Variants in DARS1 observed in about 807,000 individuals in gnomAD.
DARS1 encodes the protein aspartate--tRNA ligase, cytoplasmic.
A neutral mutation model predicts 68.8 loss-of-function variants in DARS1; 51 were observed. The observed-to-expected ratio is 0.74, with a 90% CI of 0.59 to 0.94. The LOEUF (loss-of-function observed/expected upper bound fraction) is 0.94, where lower values mean the gene tolerates loss of function less well. Ranked by LOEUF, DARS1 falls within the 40% of genes least tolerant of loss-of-function variation. The probability of loss-of-function intolerance (pLI) is 0.00; values close to 1 mark genes in which losing one functional copy is unlikely to be tolerated. For missense variants in DARS1, 607 were observed against 597.3 expected, an observed-to-expected ratio of 1.02 and a Z score of -0.17; for synonymous variants, 203 against 190.4, an observed-to-expected ratio of 1.07 and a Z score of -0.55.
intron 4 of DARS1, among the ~76,000 whole-genome samples, chr2:135,950,180 C>T (rs1681811373): frequency 6.6e-6 from 1 of 152,142 alleles, no homozygotes; most frequent in Non-Finnish European, 1.5e-5. Flanking sequence ...TATGAGTTCA[C>T]ATGCTTTAAT....
chr2:135,970,429 C>A (rs1682345172), intron 3 of DARS1, among the ~76,000 whole-genome samples: 1 of 151,840 alleles, frequency 6.6e-6, no homozygotes, highest in South Asian at 2.1e-4. Flanking sequence ...CAAAAAATTT[C>A]TTGAAACAAA....
At chr2:135,938,728 G>C (rs1466522430) in intron 5 of DARS1, among the ~76,000 whole-genome samples, 3 of 152,152 alleles carry the variant, frequency 2.0e-5, no homozygotes, top group Admixed American at 1.3e-4. Flanking sequence ...ATTGGATAAA[G>C]AGTCAAGACC....
At chr2:135,924,322 T>C (rs1575387101) in intron 8 of DARS1, 65 bp downstream of exon 8, 5 of 1,449,232 alleles carry the variant, frequency 3.5e-6, no homozygotes, top group African/African-American at 1.5e-5. Context: ...ATTTTATTAA[T>C]ATAAAGCAAC....
chr2:135,907,429 A>G, intron 15 of DARS1, 22 bp from the exon 16 acceptor site: 1 of 1,541,788 alleles, frequency 6.5e-7, no homozygotes, highest in Non-Finnish European at 8.9e-7. Flanking sequence ...AAAAATAATC[A>G]TTAATTCCTT....
chr2:135,915,418 T>C (rs951442154), intron 11 of DARS1, among the ~76,000 whole-genome samples: 6 of 152,148 alleles, frequency 3.9e-5, no homozygotes. Flanking sequence ...TCTGGAGTAG[T>C]TGGGACTACA....
At chr2:135,970,867 A>G (rs1354298445) in intron 3 of DARS1, among the ~76,000 whole-genome samples, 1 of 152,180 alleles carries the variant, frequency 6.6e-6, no homozygotes, top group African/African-American at 2.4e-5. Context: ...GGACATTTCT[A>G]GACACATACA....
rs2104810974 is a variant in DARS1 at position 135,933,937 on chromosome 2, A to C, written c.477T>G (p.Ala159=). Residue 159 remains alanine (A), a synonymous_variant, in exon 6 of 16, where the codon GCT becomes GCG. Transcript: ENST00000264161. ...CTTCTCCTTCTGCCTCAGGCCGAAC[A>C]GCATCATCCAGCTGCAGGGGCAGAC... ...EPRLPLQLDD[A]VRPEAEGEEE... is the part of the protein sequence containing the mutation. The C allele has an allele frequency of 6.2e-7, 1 of 1,613,770 alleles. No individual in the cohort carries two copies. Among genetic ancestry groups the C allele is most frequent in the Admixed American group, 1.7e-5 (1 of 60,024 alleles).
intron 15 of DARS1, among the ~76,000 whole-genome samples, chr2:135,910,342 C>G (rs1444530827): frequency 2.0e-5 from 3 of 152,084 alleles, no homozygotes; most frequent in Non-Finnish European, 4.4e-5. Context: ...TTATCCATTA[C>G]CTTTTTACTA....
At chr2:135,938,395 T>C (rs1287797528) in intron 5 of DARS1, among the ~76,000 whole-genome samples, 1 of 152,134 alleles carries the variant, frequency 6.6e-6, no homozygotes, top group East Asian at 1.9e-4. Context: ...TCATCTAATC[T>C]TTTTTTCAAG....
At chr2:135,918,902 A>C (rs1291932012) in intron 10 of DARS1, among the ~76,000 whole-genome samples, 1 of 152,246 alleles carries the variant, frequency 6.6e-6, no homozygotes, top group East Asian at 1.9e-4. Flanking sequence ...AAAATGTTTT[A>C]GAGAACAAAG....
intron 5 of DARS1, among the ~76,000 whole-genome samples, chr2:135,940,178 T>C (rs1057494731): frequency 3.3e-5 from 5 of 152,284 alleles, no homozygotes; most frequent in African/African-American, 1.2e-4. Flanking sequence ...ATCATCCTGA[T>C]ACCAAAGCCT....
chr2:135,918,784 AGCTGTGTGT>A, intron 10 of DARS1, among the ~76,000 whole-genome samples: 1 of 152,344 alleles, frequency 6.6e-6, no homozygotes, highest in African/African-American at 2.4e-5. Flanking sequence ...AAATGAGAAA[AGCTGTGTGT>A]GCTCCTTCAT....
chr2:135,967,958 T>C (rs1056185397), intron 3 of DARS1, among the ~76,000 whole-genome samples: 1 of 152,210 alleles, frequency 6.6e-6, no homozygotes, highest in African/African-American at 2.4e-5. Flanking sequence ...CACAAGATTT[T>C]ATTCTTAAAC....
At chr2:135,932,506 G>A (rs1465440058) in intron 7 of DARS1, among the ~76,000 whole-genome samples, 4 of 152,082 alleles carry the variant, frequency 2.6e-5, no homozygotes, top group African/African-American at 9.7e-5. Context: ...GTCTAAAAAA[G>A]ATATCACCTG....
chr2:135,974,372 T>C (rs1050134559), intron 3 of DARS1, among the ~76,000 whole-genome samples: 1 of 152,222 alleles, frequency 6.6e-6, no homozygotes, highest in African/African-American at 2.4e-5. Flanking sequence ...ATCAACTACG[T>C]TAAAATTTAT....
chr2:135,954,753 A>G (rs932512231), intron 4 of DARS1, among the ~76,000 whole-genome samples: 2 of 152,150 alleles, frequency 1.3e-5, no homozygotes, highest in Non-Finnish European at 2.9e-5. Context: ...GTGGTAGGGG[A>G]TGGGTTTTCC....
chr2:135,922,113 A>T (rs1458126967), intron 9 of DARS1, among the ~76,000 whole-genome samples: 1 of 152,172 alleles, frequency 6.6e-6, no homozygotes, highest in Non-Finnish European at 1.5e-5. Context: ...AACATTTCTT[A>T]AAAACCATAT....
At chr2:135,973,200 A>G (rs1575407222) in intron 3 of DARS1, among the ~76,000 whole-genome samples, 1 of 152,232 alleles carries the variant, frequency 6.6e-6, no homozygotes. Flanking sequence ...GAATGGATAA[A>G]GAAAATGTGC....
intron 7 of DARS1, 100 bp from the exon 8 acceptor site, chr2:135,924,598 C>A: frequency 6.9e-7 from 1 of 1,451,714 alleles, no homozygotes; most frequent in South Asian, 1.5e-5. Flanking sequence ...TTCTTGCTTT[C>A]AACATTTTTA....
Sources: gnomAD v4.1 joint callset for allele counts (sites outside exome capture counted in the v4.1 genomes callset) on GRCh38, gnomAD v4.1.1 for gene constraint, MANE v1.5 for transcripts, NCBI Gene and HGNC (gene_info 2026-07-23, HGNC 2026-07-21) for gene names.